Variants in SMAD2 observed in about 807,000 individuals in gnomAD.
SMAD2 encodes the protein MAD homolog 2.
SMAD2 carries 8 observed loss-of-function variants against 64.4 expected under a neutral mutation model. The observed-to-expected ratio is 0.12, with a 90% CI of 0.07 to 0.22. The LOEUF (loss-of-function observed/expected upper bound fraction) is 0.22, where lower values mean the gene tolerates loss of function less well. Ranked by LOEUF, SMAD2 falls within the 10% of genes least tolerant of loss-of-function variation. The pLI, the probability that SMAD2 is intolerant of heterozygous loss-of-function variation, is 1.00. For missense variants in SMAD2, 289 were observed against 561.2 expected (o/e 0.51, Z 4.90); for synonymous variants, 203 against 195.8 (o/e 1.04, Z -0.31).
At chr18:47,874,343 G>A (rs1395460557) in intron 2 of SMAD2, among the ~76,000 whole-genome samples, 1 of 152,122 alleles carries the variant, frequency 6.6e-6, no homozygotes, top group Non-Finnish European at 1.5e-5. Flanking sequence ...CCACTTATAC[G>A]AAGCTCTAGA....
At chr18:47,851,617 C>T (rs1003769666) in intron 6 of SMAD2, among the ~76,000 whole-genome samples, 9 of 152,068 alleles carry the variant, frequency 5.9e-5, no homozygotes, top group African/African-American at 1.9e-4. Context: ...TTCCAAAATA[C>T]TCTATGAACC....
Position 47,866,101 on chromosome 18 carries a change from G to A in SMAD2, c.656-968C>T, listed in dbSNP as rs185701892. Among the ~76,000 whole-genome samples the A allele has an allele frequency of 6.3e-3, 966 of 152,194 alleles. 10 individuals are homozygous for A. Among genetic ancestry groups the A allele is most frequent in the African/African-American group, 0.021 (882 of 41,520 alleles). ...GGAGGCCGAGGCAGGCAGATCACCT[G>A]AGGTGGGGAGTTCGAGACCAGCCTG... On this transcript the variant is annotated intron_variant, in intron 5 of 10. Coordinates refer to ENST00000262160, the MANE Select transcript of SMAD2 (RefSeq NM_005901.6).
intron 2 of SMAD2, among the ~76,000 whole-genome samples, chr18:47,885,875 T>C (rs887998372): frequency 6.6e-6 from 1 of 152,134 alleles, no homozygotes; most frequent in African/African-American, 2.4e-5. Flanking sequence ...GGTGGGAGGA[T>C]CACCGGAGCC....
chr18:47,903,881 G>GGC (rs1555660376), intron 1 of SMAD2, among the ~76,000 whole-genome samples: 4 of 142,500 alleles, frequency 2.8e-5, no homozygotes, highest in Non-Finnish European at 6.2e-5. Flanking sequence ...CAGTGTGGGG[G>GGC]GGGGGGGGAC....
At position 47,835,579 on chromosome 18, in the gene SMAD2, A is replaced by G. The variant is rs1234156172; in HGVS notation, c.*6248T>C. On this transcript the variant is annotated 3_prime_UTR_variant, in exon 11 of 11. Coordinates refer to ENST00000262160, the MANE Select transcript of SMAD2 (RefSeq NM_005901.6). ...ATTTCTATTGCTACAGACAAATGCTAAAAACCAGCTTTATAATAACAGCAT... is the reference window on the plus strand; with the variant it reads ...ATTTCTATTGCTACAGACAAATGCTGAAAACCAGCTTTATAATAACAGCAT... 1 of 194,414 alleles carries G rather than the reference A, an allele frequency of 5.1e-6. No individual in the cohort carries two copies. The highest frequency in any genetic ancestry group is 1.1e-5 in the Non-Finnish European group (1 of 93,142). 12.0% of individuals were successfully genotyped at this position (194,414 alleles called of 1,614,324 possible).
At chr18:47,850,013 T>C (rs1347173463) in intron 7 of SMAD2, among the ~76,000 whole-genome samples, 5 of 150,106 alleles carry the variant, frequency 3.3e-5, no homozygotes, top group Non-Finnish European at 7.4e-5. Context: ...TCTCAAAAAA[T>C]AAATAAAAAT....
In SMAD2 at chr18:47,851,335, A is replaced by G; in HGVS notation, c.731-8T>C. ...ATAGTTCTGCTGGAGAGCCTAAAACAAAAGGATTTAAAAATAAATGAAGTA... is the reference window on the plus strand; with the variant it reads ...ATAGTTCTGCTGGAGAGCCTAAAACGAAAGGATTTAAAAATAAATGAAGTA... On this transcript the variant is annotated splice_region_variant and splice_polypyrimidine_tract_variant and intron_variant, in intron 6 of 10. Transcript: ENST00000262160. 6.3e-7 allele frequency: 1 copy of G among 1,587,718 alleles called. No individual in the cohort carries two copies. The highest frequency in any genetic ancestry group is 8.6e-7 in the Non-Finnish European group (1 of 1,156,470).
rs191056542 is a variant in SMAD2, at chr18:47,889,598, C to A, written c.236+6923G>T. On this transcript the variant is annotated intron_variant, in intron 2 of 10. Coordinates refer to ENST00000262160, the MANE Select transcript of SMAD2 (RefSeq NM_005901.6). Reference sequence around the variant, plus strand: ...CATCCTGGCTAACACGGTGAAACTCCGTCTCTACTAAAAATACAAAAAATT... The same window carrying A: ...CATCCTGGCTAACACGGTGAAACTCAGTCTCTACTAAAAATACAAAAAATT... 9.1e-3 allele frequency among the ~76,000 whole-genome samples: 1,389 copies of A among 152,042 alleles called. 12 individuals are homozygous for A. The highest frequency in any genetic ancestry group is 0.014 in the Non-Finnish European group (959 of 67,980).
chr18:47,919,517 CACAA>C (rs1182025364), intron 1 of SMAD2, among the ~76,000 whole-genome samples: 4 of 96,046 alleles, frequency 4.2e-5, no homozygotes, highest in Non-Finnish European at 4.3e-5. Context: ...CACACACACA[CACAA>C]AGAATAGGAG....
At chr18:47,876,451 T>C (rs759234718) in intron 2 of SMAD2, among the ~76,000 whole-genome samples, 1 of 152,058 alleles carries the variant, frequency 6.6e-6, no homozygotes, top group African/African-American at 2.4e-5. Context: ...CCAAAGTTCT[T>C]TGCATGGAAC....
chr18:47,876,613 A>AT (rs1240589697), intron 2 of SMAD2, among the ~76,000 whole-genome samples: 1 of 152,130 alleles, frequency 6.6e-6, no homozygotes, highest in East Asian at 1.9e-4. Flanking sequence ...GGCATACAGT[A>AT]TATTAATCAC....
intron 2 of SMAD2, among the ~76,000 whole-genome samples, chr18:47,880,606 T>A (rs575705646): frequency 3.9e-5 from 6 of 152,346 alleles, no homozygotes; most frequent in African/African-American, 2.4e-5. Flanking sequence ...GTTTACTGCA[T>A]GGTAATTCCA....
chr18:47,811,717 A>G lies in SMAD2; in HGVS notation c.*30110T>C, dbSNP rs1435700437. On this transcript the variant is annotated 3_prime_UTR_variant, in exon 11 of 11. Coordinates refer to ENST00000262160, the MANE Select transcript of SMAD2 (RefSeq NM_005901.6). The stretch of plus-strand genomic sequence containing the variant: ...AAATGGAACCCTATGAAAGGCAAAG[A>G]GCAGGGTGGAGGAAACATACCATGC... 2 of 152,194 alleles carry G rather than the reference A, an allele frequency of 1.3e-5. No homozygotes were observed. The highest frequency in any genetic ancestry group is 1.3e-4 in the Admixed American group (2 of 15,276). The allele number at this position is 152,194 out of a possible 1,614,324, so 9.4% of individuals were successfully genotyped here.
At chr18:47,911,090 G>A (rs1187291754) in intron 1 of SMAD2, among the ~76,000 whole-genome samples, 6 of 151,916 alleles carry the variant, frequency 3.9e-5, no homozygotes, top group African/African-American at 1.5e-4. Context: ...GGTGGCTCAC[G>A]CCTGTAATCC....
intron 1 of SMAD2, among the ~76,000 whole-genome samples, chr18:47,906,382 A>C (rs183555812): frequency 1.5e-4 from 23 of 152,340 alleles, no homozygotes; most frequent in Non-Finnish European, 1.5e-5. Context: ...TTTAAAAATC[A>C]CACAAAAAGG....
intron 2 of SMAD2, among the ~76,000 whole-genome samples, chr18:47,896,128 T>A (rs1308156538): frequency 6.6e-6 from 1 of 152,170 alleles, no homozygotes; most frequent in Admixed American, 6.5e-5. Context: ...AAAAACCATA[T>A]AAAATTCATT....
Position 47,811,484 on chromosome 18 carries a change from A to AAAAAAG in SMAD2, c.*30337_*30342dup, listed in dbSNP as rs1912202611. The AAAAAAG allele has an allele frequency of 6.6e-6, 1 of 151,790 alleles. No homozygotes were observed. The highest frequency in any genetic ancestry group is 2.4e-5 in the African/African-American group (1 of 41,292). 9.4% of individuals were successfully genotyped at this position (151,790 alleles called of 1,614,324 possible). A position where few individuals can be genotyped will look rare whatever the true frequency, so the allele number is the denominator to read the frequency against. On this transcript the variant is annotated 3_prime_UTR_variant, in exon 11 of 11. Transcript: ENST00000262160. ...GACCTCGTCTCAAAAAAAAAAAAAA[A>AAAAAAG]AAAAAGAAAAAGAAATAAGGTAATT...
intron 2 of SMAD2, among the ~76,000 whole-genome samples, chr18:47,875,350 A>G (rs1338513635): frequency 1.3e-5 from 2 of 152,258 alleles, no homozygotes; most frequent in Admixed American, 6.6e-5. Context: ...CCCTTTGTGT[A>G]CCACCCAGCA....
chr18:47,867,966 G>A (rs905677630), intron 5 of SMAD2, among the ~76,000 whole-genome samples: 1 of 152,128 alleles, frequency 6.6e-6, no homozygotes, highest in Non-Finnish European at 1.5e-5. Flanking sequence ...TCAGTTACAT[G>A]TGTTTGGGGG....
Sources: gnomAD v4.1 joint callset for allele counts (sites outside exome capture counted in the v4.1 genomes callset) on GRCh38, gnomAD v4.1.1 for gene constraint, MANE v1.5 for transcripts, NCBI Gene and HGNC (gene_info 2026-07-23, HGNC 2026-07-21) for gene names.